Variants in MGA observed in about 807,000 individuals in gnomAD.
MGA encodes the protein MAX gene-associated protein.
A neutral mutation model predicts 261.1 loss-of-function variants in MGA; 40 were observed. The observed-to-expected ratio is 0.15, with a 90% CI of 0.12 to 0.20. The LOEUF is 0.20. Ranked by LOEUF, MGA falls within the 10% of genes least tolerant of loss-of-function variation. MGA has a pLI of 1.00. For missense variants in MGA, 3,397 were observed against 3,630.5 expected (o/e 0.94, Z 1.65); for synonymous variants, 1,302 against 1,290.6 (o/e 1.01, Z -0.19).
intron 6 of MGA, 22 bp downstream of exon 6, chr15:41,707,881 A>G: frequency 6.3e-7 from 1 of 1,589,980 alleles, no homozygotes; most frequent in East Asian, 2.2e-5. Context: ...ACATTTGTAA[A>G]GTCAAACACT....
intron 9 of MGA, chr15:41,718,751 A>G (rs2060787427): frequency 5.7e-6 from 1 of 175,078 alleles, no homozygotes; most frequent in Non-Finnish European, 1.2e-5. Context: ...CACTAGGAAT[A>G]GCAAGGAATT....
At chr15:41,663,065 T>C (rs888807249) in intron 1 of MGA, among the ~76,000 whole-genome samples, 1 of 152,200 alleles carries the variant, frequency 6.6e-6, no homozygotes, top group African/African-American at 2.4e-5. Context: ...GTGAGTTGTA[T>C]GAGGATCATT....
At chr15:41,640,332 G>A (rs11629678) in intron 1 of MGA, among the ~76,000 whole-genome samples, 42,458 of 152,018 alleles carry the variant, frequency 0.28, 6,967 homozygotes, top group Admixed American at 0.37. Flanking sequence ...AAGCTAAGGA[G>A]TTGAGGTGCA....
At chr15:41,726,464 C>T (rs979926531) in intron 9 of MGA, among the ~76,000 whole-genome samples, 1 of 152,148 alleles carries the variant, frequency 6.6e-6, no homozygotes, top group African/African-American at 2.4e-5. Flanking sequence ...CATGGTGGCT[C>T]ACAACTGTAA....
At position 41,669,034 on chromosome 15, in the gene MGA, C is replaced by T; in HGVS notation, c.140C>T (p.Ala47Val). The stretch of plus-strand genomic sequence containing the variant: ...GGAATTTTGGTTACTAATCAGGATG[C>T]CTGTGCTTTGGCTAGTAGTGTGTCA... The change falls in exon 2 of 24, where the codon GCC (alanine) becomes GTC (valine). Residue 47 changes from alanine (A) to valine (V), a missense_variant. Ala to Val is a moderately conservative substitution (Grantham distance 64). Coordinates refer to ENST00000219905, the MANE Select transcript of MGA (RefSeq NM_001164273.2). 2 of 1,613,430 alleles carry T rather than the reference C, an allele frequency of 1.2e-6. No homozygotes were observed. The highest frequency in any genetic ancestry group is 1.1e-5 in the South Asian group (1 of 91,064).
intron 17 of MGA, 30 bp from the exon 18 acceptor site, chr15:41,754,407 A>G: frequency 1.3e-6 from 2 of 1,510,436 alleles, no homozygotes; most frequent in Middle Eastern, 1.7e-4. Flanking sequence ...CACTCAATAC[A>G]TTATTTACTT....
At chr15:41,736,095 C>T (rs573263947) in intron 12 of MGA, 86 bp from the exon 13 acceptor site, 45 of 1,156,712 alleles carry the variant, frequency 3.9e-5, no homozygotes, top group Non-Finnish European at 5.0e-5. Context: ...GAGAATGTGA[C>T]AGTTTTTTTT....
At chr15:41,703,182 A>C (rs1400064795) in intron 5 of MGA, among the ~76,000 whole-genome samples, 1 of 152,072 alleles carries the variant, frequency 6.6e-6, no homozygotes, top group African/African-American at 2.4e-5. Context: ...TGGTTGTGAC[A>C]GTTTCTCAGA....
Position 41,742,976 on chromosome 15 carries a change from A to G in MGA, c.5016A>G (p.Ser1672=). Residue 1672 remains serine, a synonymous_variant, in exon 15 of 24, where the codon TCA becomes TCG. Transcript: ENST00000219905. Reference sequence around the variant, plus strand: ...CTGGGATAACTACCCCTGTGGCTTCAGTTGCTTTTCCTAAGTCTTTGGTAG... The same window carrying G: ...CTGGGATAACTACCCCTGTGGCTTCGGTTGCTTTTCCTAAGTCTTTGGTAG... 2 of 1,613,974 alleles carry G rather than the reference A, an allele frequency of 1.2e-6. No homozygotes were observed. Among genetic ancestry groups the G allele is most frequent in the Non-Finnish European group, 1.7e-6 (2 of 1,179,886 alleles).
chr15:41,694,684 G>A (rs1170713408), intron 2 of MGA, among the ~76,000 whole-genome samples: 2 of 151,976 alleles, frequency 1.3e-5, no homozygotes, highest in East Asian at 2.0e-4. Flanking sequence ...CCGCCACCAC[G>A]CCCAGCTGAT....
At position 41,767,012 on chromosome 15, in the gene MGA, A is replaced by G. The variant is rs61752718; in HGVS notation, c.8930A>G (p.Asn2977Ser). Residue 2977 changes from asparagine to serine, a missense_variant, in exon 24 of 24, where the codon AAC becomes AGC. Transcript: ENST00000219905. ...ATGAAGACTGGCTTGGAGAACAGCA[A>G]CAGCACAGACACTTTGTGGAGGCCT... 7.8e-5 allele frequency: 126 copies of G among 1,613,900 alleles called. No individual in the cohort carries two copies. The South Asian group carries it at 1.1e-3, about 14-fold the overall frequency.
At chr15:41,640,840 A>G (rs928299226) in intron 1 of MGA, among the ~76,000 whole-genome samples, 1 of 152,138 alleles carries the variant, frequency 6.6e-6, no homozygotes, top group African/African-American at 2.4e-5. Context: ...TAAAGTTTTG[A>G]GATAAAATTA....
intron 12 of MGA, 103 bp from the exon 13 acceptor site, chr15:41,736,074 TGAAA>T: frequency 9.8e-7 from 1 of 1,015,978 alleles, no homozygotes; most frequent in Non-Finnish European, 1.4e-6. Flanking sequence ...GTTACTACTG[TGAAA>T]GAACGTGAGA....
rs2061305328 is a variant in MGA at position 41,727,369 on chromosome 15, A to T, written c.3620A>T (p.Lys1207Ile). Residue 1207 changes from lysine (K) to isoleucine (I), a missense_variant, in exon 10 of 24, where the codon AAA becomes ATA. By Grantham distance (102) the Lys-to-Ile change is moderately radical. This residue lies in a region of MGA where 519 missense variants were observed against 554.1 expected (regional missense o/e 0.94). Coordinates refer to ENST00000219905, the MANE Select transcript of MGA (RefSeq NM_001164273.2). Reference sequence around the variant, plus strand: ...AAGGGCAAACTGCTCACTGGAATTAAATCTCCACGGTCATATACTCCCAAA... The same window carrying T: ...AAGGGCAAACTGCTCACTGGAATTATATCTCCACGGTCATATACTCCCAAA... 1.2e-6 allele frequency: 2 copies of T among 1,613,954 alleles called. No homozygotes were observed. Among genetic ancestry groups the T allele is most frequent in the Non-Finnish European group, 1.7e-6 (2 of 1,179,880 alleles).
intron 1 of MGA, among the ~76,000 whole-genome samples, chr15:41,641,487 CTTTTTTTTTT>C (rs35157141): frequency 8.1e-6 from 1 of 123,690 alleles, no homozygotes; most frequent in African/African-American, 3.0e-5. Flanking sequence ...CATCCTAACA[CTTTTTTTTTT>C]TTTTTTTTTT....
intron 13 of MGA, among the ~76,000 whole-genome samples, chr15:41,737,836 C>T (rs2061870477): frequency 6.6e-6 from 1 of 151,786 alleles, no homozygotes. Flanking sequence ...AAAAGTTAGC[C>T]CGGCGTGGTG....
chr15:41,743,265 A>G (rs2062221226), intron 15 of MGA, 93 bp downstream of exon 15: 1 of 1,368,442 alleles, frequency 7.3e-7, no homozygotes, highest in East Asian at 2.5e-5. Flanking sequence ...TATCAGGATA[A>G]CAGTATAGGT....
chr15:41,677,699 G>A (rs1248292003), intron 2 of MGA, among the ~76,000 whole-genome samples: 2 of 152,176 alleles, frequency 1.3e-5, no homozygotes, highest in Admixed American at 6.5e-5. Flanking sequence ...AACATGTTAT[G>A]ATAGGCATTT....
At chr15:41,730,544 A>G (rs1441516917) in intron 11 of MGA, among the ~76,000 whole-genome samples, 1 of 152,212 alleles carries the variant, frequency 6.6e-6, no homozygotes, top group Non-Finnish European at 1.5e-5. Context: ...AATCCTGTAT[A>G]ATTTACACAG....
Sources: gnomAD v4.1 joint callset for allele counts (sites outside exome capture counted in the v4.1 genomes callset) on GRCh38, gnomAD v4.1.1 for gene constraint, gnomAD v4.1.1 regional missense constraint, MANE v1.5 for transcripts, NCBI Gene and HGNC (gene_info 2026-07-23, HGNC 2026-07-21) for gene names.